TOM1L2: variants seen among roughly 807,000 people sequenced by gnomAD.
TOM1L2 encodes TOM1-like protein 2.
A neutral mutation model predicts 67.9 loss-of-function variants in TOM1L2; 31 were observed. The observed-to-expected ratio is 0.46, with a 90% CI of 0.34 to 0.62. The LOEUF (loss-of-function observed/expected upper bound fraction) is 0.62. TOM1L2 is among the 20% of genes least tolerant of loss of function. TOM1L2 has a pLI of 0.01. For synonymous variants in TOM1L2, 256 were observed against 254.0 expected (o/e 1.01, Z -0.07); for missense variants, 606 against 663.5 (o/e 0.91, Z 0.95).
At chr17:17,945,798 A>T (rs887689420) in intron 1 of TOM1L2, among the ~76,000 whole-genome samples, 2 of 152,236 alleles carry the variant, frequency 1.3e-5, no homozygotes, top group Admixed American at 6.5e-5. Context: ...AAACTGGAAG[A>T]AAAAAGAAGA....
At chr17:17,938,735 T>C (rs1344084648) in intron 1 of TOM1L2, among the ~76,000 whole-genome samples, 1 of 151,644 alleles carries the variant, frequency 6.6e-6, no homozygotes, top group Admixed American at 6.6e-5. Context: ...TTACTTTATT[T>C]AATCCTCACC....
At chr17:17,902,997 G>A (rs1347225894) in intron 2 of TOM1L2, among the ~76,000 whole-genome samples, 1 of 152,048 alleles carries the variant, frequency 6.6e-6, no homozygotes, top group African/African-American at 2.4e-5. Flanking sequence ...GCTCCAGCCT[G>A]TGGTGTCCAC....
At chr17:17,852,896 T>C (rs1166279412) in intron 12 of TOM1L2, among the ~76,000 whole-genome samples, 1 of 137,476 alleles carries the variant, frequency 7.3e-6, no homozygotes, top group Admixed American at 7.2e-5. Flanking sequence ...AAAAAGAACA[T>C]TGAATTGAAA....
chr17:17,889,223 G>A (rs562059219), intron 4 of TOM1L2, among the ~76,000 whole-genome samples: 40 of 152,206 alleles, frequency 2.6e-4, no homozygotes, highest in Non-Finnish European at 4.0e-4. Context: ...GCCCCCATAC[G>A]GGAAAGGAAG....
intron 1 of TOM1L2, among the ~76,000 whole-genome samples, chr17:17,936,043 T>A (rs1426734196): frequency 6.6e-6 from 1 of 152,220 alleles, no homozygotes; most frequent in Non-Finnish European, 1.5e-5. Flanking sequence ...TATAGCTCCT[T>A]TACGGTTTCC....
At chr17:17,889,222 C>A (rs773440314) in intron 4 of TOM1L2, among the ~76,000 whole-genome samples, 14 of 152,090 alleles carry the variant, frequency 9.2e-5, no homozygotes. Context: ...AGCCCCCATA[C>A]GGGAAAGGAA....
chr17:17,867,031 G>T, intron 8 of TOM1L2, 107 bp from the exon 9 acceptor site: 1 of 1,046,544 alleles, frequency 9.6e-7, no homozygotes, highest in Non-Finnish European at 1.5e-6. Flanking sequence ...AGACCAGCCA[G>T]TCCCACCTGG....
intron 7 of TOM1L2, among the ~76,000 whole-genome samples, chr17:17,874,942 A>C (rs1287330498): frequency 6.6e-6 from 1 of 152,188 alleles, no homozygotes; most frequent in African/African-American, 2.4e-5. Flanking sequence ...TCTTGGCTTC[A>C]GTCTTTTACA....
At chr17:17,937,922 A>T (rs2040574827) in intron 1 of TOM1L2, among the ~76,000 whole-genome samples, 1 of 152,220 alleles carries the variant, frequency 6.6e-6, no homozygotes, top group African/African-American at 2.4e-5. Flanking sequence ...GTCCACCTGC[A>T]TCTGACACTG....
chr17:17,908,892 G>A (rs1442708646), intron 1 of TOM1L2, among the ~76,000 whole-genome samples: 1 of 152,134 alleles, frequency 6.6e-6, no homozygotes, highest in Non-Finnish European at 1.5e-5. Context: ...TTAAAACACA[G>A]AATTACCCAG....
intron 13 of TOM1L2, 136 bp downstream of exon 13, chr17:17,850,757 G>A: frequency 1.1e-6 from 1 of 904,510 alleles, no homozygotes; most frequent in South Asian, 1.4e-5. Context: ...GGGCAGCTAT[G>A]GAGCTTGCCC....
At chr17:17,969,072 T>C (rs1267675220) in intron 1 of TOM1L2, among the ~76,000 whole-genome samples, 1 of 151,650 alleles carries the variant, frequency 6.6e-6, no homozygotes, top group Non-Finnish European at 1.5e-5. Context: ...TTTTTTTTTT[T>C]TGGAGACAGA....
At chr17:17,901,239 C>G (rs945046139) in intron 2 of TOM1L2, among the ~76,000 whole-genome samples, 4 of 152,178 alleles carry the variant, frequency 2.6e-5, no homozygotes, top group Admixed American at 2.0e-4. Context: ...CACAAAGTTT[C>G]AAGAAGCTGC....
intron 8 of TOM1L2, among the ~76,000 whole-genome samples, chr17:17,867,447 C>T (rs2143810834): frequency 6.6e-6 from 1 of 152,264 alleles, no homozygotes; most frequent in African/African-American, 2.4e-5. Context: ...AGGCCTGGGC[C>T]AGTCATCGAA....
At chr17:17,891,784 CGTGTGTGTGTGTGTGTGT>C (rs374192888) in intron 4 of TOM1L2, among the ~76,000 whole-genome samples, 5 of 143,128 alleles carry the variant, frequency 3.5e-5, no homozygotes, top group African/African-American at 1.0e-4. Context: ...TGCATGCACA[CGTGTGTGTGTGTGTGTGT>C]GTGTGTGTGT....
intron 1 of TOM1L2, among the ~76,000 whole-genome samples, chr17:17,939,641 A>G (rs1166216154): frequency 6.6e-6 from 1 of 152,246 alleles, no homozygotes; most frequent in Non-Finnish European, 1.5e-5. Flanking sequence ...AAGGGTTTGT[A>G]GAAGTTCATT....
At chr17:17,871,977 T>C (rs2037177902) in intron 7 of TOM1L2, 1 of 985,374 alleles carries the variant, frequency 1.0e-6, no homozygotes, top group African/African-American at 1.7e-5. Flanking sequence ...TCCTCTGTTG[T>C]GAATGGCTCA....
Position 17,965,174 on chromosome 17 carries a change from C to T in TOM1L2, c.52+7088G>A, listed in dbSNP as rs112960145. ...TCTGGTGACTGCTAAGGAGAAATCT[C>T]CCTACCTCTGTAATGATATTCATGC... On this transcript the variant is annotated intron_variant, in intron 1 of 14. Coordinates refer to ENST00000379504, the MANE Select transcript of TOM1L2 (RefSeq NM_001082968.2). Among the ~76,000 whole-genome samples, 194 of 152,096 alleles carry T rather than the reference C, an allele frequency of 1.3e-3. 1 individual carries two copies. The highest frequency in any genetic ancestry group is 4.4e-3 in the African/African-American group (183 of 41,476).
At chr17:17,946,234 T>C (rs2040945653) in intron 1 of TOM1L2, among the ~76,000 whole-genome samples, 1 of 151,774 alleles carries the variant, frequency 6.6e-6, no homozygotes, top group Non-Finnish European at 1.5e-5. Context: ...CCATGAAATC[T>C]ACCCTCTTGA....
Sources: allele counts gnomAD v4.1 joint callset (sites outside exome capture counted in the v4.1 genomes callset), GRCh38; gene constraint gnomAD v4.1.1; transcripts MANE v1.5; gene names NCBI Gene and HGNC (gene_info 2026-07-23, HGNC 2026-07-21).